TMEM131: variants seen among roughly 807,000 people sequenced by gnomAD.
TMEM131 encodes the protein 2610524E03Rik.
Under a neutral mutation model 211.6 loss-of-function variants are expected in TMEM131, and 66 were observed. The observed-to-expected ratio is 0.31, with a 90% CI of 0.26 to 0.38. TMEM131 has a LOEUF of 0.38. Ranked by LOEUF, TMEM131 falls within the 10% of genes least tolerant of loss-of-function variation. TMEM131 has a pLI of 1.00. For synonymous variants in TMEM131, 844 were observed against 841.3 expected, an observed-to-expected ratio of 1.00 and a Z score of -0.06; for missense variants, 2,036 against 2,299.3, an observed-to-expected ratio of 0.89 and a Z score of 2.34.
chr2:97,860,327 C>A (rs1304744464), intron 4 of TMEM131, among the ~76,000 whole-genome samples: 1 of 152,202 alleles, frequency 6.6e-6, no homozygotes, highest in Non-Finnish European at 1.5e-5. Context: ...TGCTAATCTG[C>A]CTGCCCTGTG....
chr2:97,897,625 T>C (rs114497672), intron 3 of TMEM131, among the ~76,000 whole-genome samples: 4,233 of 152,262 alleles, frequency 0.028, 67 homozygotes, highest in Middle Eastern at 0.065. Context: ...TACCCTGTTA[T>C]CACGTTTCTG....
intron 4 of TMEM131, among the ~76,000 whole-genome samples, chr2:97,863,679 T>C (rs900394213): frequency 6.6e-6 from 1 of 152,046 alleles, no homozygotes; most frequent in African/African-American, 2.4e-5. Context: ...GAAGTGCAAA[T>C]CAAAACCACA....
chr2:97,830,797 G>A (rs766921476), intron 11 of TMEM131, among the ~76,000 whole-genome samples: 16 of 152,170 alleles, frequency 1.1e-4, no homozygotes, highest in Non-Finnish European at 1.9e-4. Flanking sequence ...TCTGTTAGCA[G>A]TTGAGGAACT....
intron 11 of TMEM131, among the ~76,000 whole-genome samples, chr2:97,825,970 G>A (rs1442892615): frequency 6.6e-6 from 1 of 152,224 alleles, no homozygotes; most frequent in Non-Finnish European, 1.5e-5. Flanking sequence ...AGCAACCGGT[G>A]CTTCAAATAT....
chr2:97,812,788 C>T, intron 15 of TMEM131, 39 bp from the exon 16 acceptor site: 2 of 1,127,644 alleles, frequency 1.8e-6, no homozygotes, highest in Non-Finnish European at 1.3e-6. Flanking sequence ...AAAAAAGTCA[C>T]ATTGATCTAA....
At chr2:97,990,471 T>G (rs143854034) in intron 1 of TMEM131, among the ~76,000 whole-genome samples, 1 of 152,228 alleles carries the variant, frequency 6.6e-6, no homozygotes, top group Non-Finnish European at 1.5e-5. Flanking sequence ...GACAGATGTC[T>G]TAGGGCGGAA....
At chr2:97,988,505 G>A (rs541795904) in intron 1 of TMEM131, among the ~76,000 whole-genome samples, 22 of 152,202 alleles carry the variant, frequency 1.4e-4, no homozygotes, top group African/African-American at 4.8e-4. Context: ...CTGCCAAATG[G>A]GAGAACATAG....
intron 4 of TMEM131, among the ~76,000 whole-genome samples, chr2:97,876,945 A>G (rs1674721506): frequency 6.6e-6 from 1 of 152,206 alleles, no homozygotes; most frequent in African/African-American, 2.4e-5. Flanking sequence ...TGATACGTTT[A>G]GAAAACCCCA....
intron 7 of TMEM131, among the ~76,000 whole-genome samples, chr2:97,840,848 A>C (rs1437025576): frequency 3.9e-5 from 6 of 152,124 alleles, no homozygotes; most frequent in Non-Finnish European, 7.4e-5. Context: ...TGTTGGGGAG[A>C]GATTTCTTTC....
intron 17 of TMEM131, among the ~76,000 whole-genome samples, chr2:97,811,441 A>C (rs181086731): frequency 4.3e-4 from 65 of 152,300 alleles, no homozygotes; most frequent in African/African-American, 1.4e-3. Flanking sequence ...TGGGCCACTG[A>C]AAAAGCTGGT....
chr2:97,839,312 AAACCAACCAACCAACC>A (rs56114114), intron 7 of TMEM131, among the ~76,000 whole-genome samples: 423 of 148,564 alleles, frequency 2.8e-3, no homozygotes, highest in South Asian at 3.5e-3. Flanking sequence ...GGTGTCTGGA[AAACCAACCAACCAACC>A]AACCAACCAA....
intron 4 of TMEM131, among the ~76,000 whole-genome samples, 189 bp from the exon 5 acceptor site, chr2:97,859,616 A>G (rs796322397): frequency 2.0e-5 from 3 of 152,334 alleles, no homozygotes; most frequent in African/African-American, 7.2e-5. Flanking sequence ...CTGAGTGCCA[A>G]TTATGTCACG....
intron 15 of TMEM131, among the ~76,000 whole-genome samples, chr2:97,813,145 T>A (rs1193991633): frequency 6.6e-6 from 1 of 152,194 alleles, no homozygotes; most frequent in Non-Finnish European, 1.5e-5. Flanking sequence ...GAGTTGCTAT[T>A]CTTCCTCTGA....
intron 4 of TMEM131, among the ~76,000 whole-genome samples, chr2:97,868,839 C>T (rs886819773): frequency 5.3e-5 from 8 of 152,114 alleles, no homozygotes; most frequent in African/African-American, 1.9e-4. Context: ...CTCTTGCCTC[C>T]GTGGAGACTC....
intron 3 of TMEM131, among the ~76,000 whole-genome samples, chr2:97,892,149 T>C (rs763790078): frequency 6.6e-6 from 1 of 152,234 alleles, no homozygotes; most frequent in Non-Finnish European, 1.5e-5. Flanking sequence ...GTTGACCATC[T>C]TTCCATTTAC....
chr2:97,823,324 C>T (rs1196207384), intron 11 of TMEM131, among the ~76,000 whole-genome samples: 2 of 152,080 alleles, frequency 1.3e-5, no homozygotes, highest in Non-Finnish European at 2.9e-5. Flanking sequence ...GGTACCTGTC[C>T]CCTTCTCCCT....
chr2:97,946,640 G>A lies in TMEM131; in HGVS notation c.188-19153C>T, dbSNP rs899664012. ...AACTCCAGGATTAGATGTATTTAACGATGAGTTCTCCCAAATATTTAAGGG... is the reference window on the plus strand; with the variant it reads ...AACTCCAGGATTAGATGTATTTAACAATGAGTTCTCCCAAATATTTAAGGG... On this transcript the variant is annotated intron_variant, in intron 1 of 40. Coordinates refer to ENST00000186436, the MANE Select transcript of TMEM131 (RefSeq NM_015348.2). 4.6e-5 allele frequency among the ~76,000 whole-genome samples: 7 copies of A among 151,770 alleles called. No individual in the cohort carries two copies. The East Asian group carries it at 1.2e-3, about 25-fold the overall frequency.
intron 27 of TMEM131, 132 bp downstream of exon 27, chr2:97,796,712 T>C: frequency 3.2e-6 from 3 of 941,482 alleles, no homozygotes; most frequent in Non-Finnish European, 4.7e-6. Context: ...AACATGGAAT[T>C]TCCTTAAGCT....
At position 97,811,210 on chromosome 2, in the gene TMEM131, A is replaced by G; in HGVS notation, c.1886T>C (p.Phe629Ser). Residue 629 changes from phenylalanine to serine, a missense_variant, in exon 18 of 41, where the codon TTT becomes TCT. Phe to Ser is a radical substitution (Grantham distance 155). This residue lies in a region of TMEM131 where 1,623 missense variants were observed against 1,805.9 expected (regional missense o/e 0.90). Transcript: ENST00000186436. ...QSSVTLASGY[F>S]AVFRVKLTAK... ...AGTAAGTTTGACTCTGAAGACTGCA[A>G]AATAGCCTGAAGCTAATGTTACCTG... The G allele has an allele frequency of 6.2e-7, 1 of 1,613,606 alleles. No individual in the cohort carries two copies. The highest frequency in any genetic ancestry group is 1.1e-5 in the South Asian group (1 of 91,066).
Sources: allele counts gnomAD v4.1 joint callset (sites outside exome capture counted in the v4.1 genomes callset), GRCh38; gene constraint gnomAD v4.1.1; regional missense constraint gnomAD v4.1.1; transcripts MANE v1.5; gene names NCBI Gene and HGNC (gene_info 2026-07-23, HGNC 2026-07-21).